Variants in SPAG16 observed in about 807,000 individuals in gnomAD.
SPAG16 encodes the protein sperm associated antigen 16, also known as sperm-associated antigen 16 protein.
In SPAG16, 86 loss-of-function variants were observed where a neutral mutation model predicts 80.4. The observed-to-expected ratio is 1.07, with a 90% CI of 0.90 to 1.28. The LOEUF (loss-of-function observed/expected upper bound fraction) is 1.28. Ranked by LOEUF, SPAG16 falls within the 50% of genes most tolerant of loss-of-function variation. The probability of loss-of-function intolerance (pLI) is 0.00; values close to 1 mark genes in which losing one functional copy is unlikely to be tolerated. For missense variants in SPAG16, 870 were observed against 765.3 expected, an observed-to-expected ratio of 1.14 and a Z score of -1.61; for synonymous variants, 294 against 265.9, an observed-to-expected ratio of 1.11 and a Z score of -1.03.
chr2:213,575,791 T>C (rs1052924807), intron 10 of SPAG16, among the ~76,000 whole-genome samples: 1 of 152,178 alleles, frequency 6.6e-6, no homozygotes, highest in African/African-American at 2.4e-5. Flanking sequence ...TGTAGGATTA[T>C]TATCACAGAA....
At chr2:214,175,696 C>T (rs971711505) in intron 15 of SPAG16, among the ~76,000 whole-genome samples, 5 of 151,506 alleles carry the variant, frequency 3.3e-5, no homozygotes, top group Non-Finnish European at 7.4e-5. Flanking sequence ...TCAGTTATTT[C>T]AGACTACTTT....
chr2:214,059,228 A>ATATATATATATATATGTATGTG (rs2050123922), intron 13 of SPAG16, among the ~76,000 whole-genome samples: 1 of 117,718 alleles, frequency 8.5e-6, no homozygotes, highest in African/African-American at 3.4e-5. Context: ...ATGTGTATAT[A>ATATATATATATATATGTATGTG]TATATATATA....
intron 14 of SPAG16, among the ~76,000 whole-genome samples, chr2:214,143,925 A>G (rs558587013): frequency 1.1e-4 from 16 of 152,218 alleles, no homozygotes; most frequent in African/African-American, 3.6e-4. Context: ...CGGCAGGTCA[A>G]GGTGGGAGGA....
At chr2:213,723,472 G>A (rs2066618041) in intron 10 of SPAG16, among the ~76,000 whole-genome samples, 1 of 152,174 alleles carries the variant, frequency 6.6e-6, no homozygotes, top group South Asian at 2.1e-4. Context: ...ATTTTGCACT[G>A]AATTACCACA....
intron 10 of SPAG16, among the ~76,000 whole-genome samples, chr2:213,766,585 A>T (rs2068949492): frequency 6.6e-6 from 1 of 152,148 alleles, no homozygotes; most frequent in African/African-American, 2.4e-5. Context: ...AACCAGAGAA[A>T]TCTCTGACAG....
At chr2:213,752,278 ATTTC>A (rs954410525) in intron 10 of SPAG16, among the ~76,000 whole-genome samples, 2 of 152,070 alleles carry the variant, frequency 1.3e-5, no homozygotes, top group Admixed American at 6.6e-5. Flanking sequence ...CACCATTTTA[ATTTC>A]TTTATTATGT....
intron 10 of SPAG16, among the ~76,000 whole-genome samples, chr2:213,659,622 A>G (rs1413188866): frequency 6.6e-6 from 1 of 152,164 alleles, no homozygotes; most frequent in East Asian, 1.9e-4. Flanking sequence ...CTAGGAGATG[A>G]TTTTCGACTC....
At position 214,234,695 on chromosome 2, in the gene SPAG16, G is replaced by T. The variant is rs555716348; in HGVS notation, c.1720+85429G>T. 7.9e-5 allele frequency among the ~76,000 whole-genome samples: 12 copies of T among 152,192 alleles called. No individual in the cohort carries two copies. In the South Asian group the frequency reaches 1.0e-3, roughly 13 times the overall value. ...TGGATGCATGTATGCCTTCTGAGAA[G>T]TGCCTGTTTATGTCCTTTGCCCACT... On this transcript the variant is annotated intron_variant, in intron 15 of 15. Coordinates refer to ENST00000331683, the MANE Select transcript of SPAG16 (RefSeq NM_024532.5).
At position 213,350,664 on chromosome 2, in the gene SPAG16, C is replaced by A; in HGVS notation, c.762+19C>A. 2 of 1,360,622 alleles carry A rather than the reference C, an allele frequency of 1.5e-6. No individual in the cohort carries two copies. The highest frequency in any genetic ancestry group is 1.0e-6 in the Non-Finnish European group (1 of 990,680). 84.3% of individuals were successfully genotyped at this position (1,360,622 alleles called of 1,614,324 possible). On this transcript the variant is annotated intron_variant, in intron 7 of 15. Transcript: ENST00000331683. ...TGGGCAGGTAAAGATATAGTCAAAG[C>A]TAACTTAAAATGATCTTTTAATCAT...
intron 13 of SPAG16, among the ~76,000 whole-genome samples, chr2:214,020,680 C>A (rs116008680): frequency 0.014 from 2,144 of 152,234 alleles, 47 homozygotes; most frequent in African/African-American, 0.049. Flanking sequence ...TCTGTACTTA[C>A]CAATGTGCAG....
At position 214,250,757 on chromosome 2, in the gene SPAG16, TAGAGAGAGAG is replaced by T. The variant is rs1171199832; in HGVS notation, c.1720+101514_1720+101523del. On this transcript the variant is annotated intron_variant, in intron 15 of 15. Transcript: ENST00000331683. ...AGATATATATATATATATATATATATAGAGAGAGAGAGAGAGAGAGAGAGAGAGAGAGTCA... is the reference window on the plus strand; with the variant it reads ...AGATATATATATATATATATATATATAGAGAGAGAGAGAGAGAGAGAGTCA... Among the ~76,000 whole-genome samples the T allele has an allele frequency of 3.1e-4, 28 of 91,280 alleles. 1 individual carries two copies. Among genetic ancestry groups the T allele is most frequent in the African/African-American group, 1.1e-3 (28 of 24,646 alleles). The allele number at this position is 91,280 out of a possible 152,430, so 59.9% of individuals were successfully genotyped here.
At chr2:213,552,965 C>T (rs2076830646) in intron 10 of SPAG16, among the ~76,000 whole-genome samples, 1 of 152,172 alleles carries the variant, frequency 6.6e-6, no homozygotes. Context: ...GCTCTCAGGC[C>T]TTCAGCCACA....
intron 10 of SPAG16, among the ~76,000 whole-genome samples, chr2:213,619,335 T>C (rs1008645285): frequency 3.3e-5 from 5 of 152,136 alleles, no homozygotes; most frequent in African/African-American, 1.2e-4. Context: ...CTGAAAAGCT[T>C]CTGCACAGCA....
intron 15 of SPAG16, among the ~76,000 whole-genome samples, chr2:214,215,740 C>T (rs2058415794): frequency 1.3e-5 from 2 of 152,164 alleles, no homozygotes; most frequent in Non-Finnish European, 2.9e-5. Context: ...CTCTTTTGAC[C>T]TCTGTTCCTT....
At chr2:213,769,217 T>C (rs947069235) in intron 10 of SPAG16, among the ~76,000 whole-genome samples, 1 of 152,176 alleles carries the variant, frequency 6.6e-6, no homozygotes, top group African/African-American at 2.4e-5. Context: ...TGGGGATACA[T>C]TTATTAATTT....
intron 10 of SPAG16, among the ~76,000 whole-genome samples, chr2:213,779,801 A>T (rs947982233): frequency 6.6e-6 from 1 of 152,216 alleles, no homozygotes; most frequent in Admixed American, 6.5e-5. Flanking sequence ...ATGTAAGGGA[A>T]GTCTGAATAC....
intron 13 of SPAG16, among the ~76,000 whole-genome samples, chr2:214,059,031 A>G (rs2050091288): frequency 1.3e-5 from 2 of 151,676 alleles, no homozygotes; most frequent in Admixed American, 1.3e-4. Flanking sequence ...AAATCTGACC[A>G]GTCAGTACAA....
intron 10 of SPAG16, among the ~76,000 whole-genome samples, chr2:213,698,238 A>G (rs912683334): frequency 1.3e-5 from 2 of 151,638 alleles, no homozygotes; most frequent in African/African-American, 4.9e-5. Context: ...TCTTGGTGCA[A>G]TTTTTTAAAT....
chr2:213,944,863 G>A (rs962359841), intron 12 of SPAG16, among the ~76,000 whole-genome samples: 5 of 152,014 alleles, frequency 3.3e-5, no homozygotes, highest in African/African-American at 4.8e-5. Flanking sequence ...GCGAAACCCC[G>A]TGTCTACTAA....
Sources: allele counts gnomAD v4.1 joint callset (sites outside exome capture counted in the v4.1 genomes callset), GRCh38; gene constraint gnomAD v4.1.1; transcripts MANE v1.5; gene names NCBI Gene and HGNC (gene_info 2026-07-23, HGNC 2026-07-21).